ANKRD28: variants seen among roughly 807,000 people sequenced by gnomAD.
ANKRD28 encodes ankyrin repeat domain 28, also known as serine/threonine-protein phosphatase 6 regulatory ankyrin repeat subunit A.
Under a neutral mutation model 126.5 loss-of-function variants are expected in ANKRD28, and 44 were observed. The observed-to-expected ratio is 0.35, with a 90% CI of 0.27 to 0.45. The LOEUF (loss-of-function observed/expected upper bound fraction) is 0.45. ANKRD28 is among the 20% of genes least tolerant of loss of function. The pLI is 1.00. For synonymous variants in ANKRD28, 442 were observed against 468.5 expected (o/e 0.94, Z 0.73); for missense variants, 1,110 against 1,316.6 (o/e 0.84, Z 2.43).
Position 15,711,201 on chromosome 3 carries a change from A to G in ANKRD28, c.1337+10T>C, listed in dbSNP as rs951350930. On this transcript the variant is annotated intron_variant, in intron 12 of 27. Coordinates refer to ENST00000683139, the MANE Select transcript of ANKRD28 (RefSeq NM_001349278.2). ...CTTTTCTTAAAGAAATAAAAATACTATTAACATACCCTCCAGCTGCAGCTG... is the reference window on the plus strand; with the variant it reads ...CTTTTCTTAAAGAAATAAAAATACTGTTAACATACCCTCCAGCTGCAGCTG... The G allele has an allele frequency of 2.5e-6, 4 of 1,607,336 alleles. No homozygotes were observed. Among genetic ancestry groups the G allele is most frequent in the African/African-American group, 1.3e-5 (1 of 74,750 alleles).
chr3:15,803,660 G>A (rs1225855754), intron 1 of ANKRD28, among the ~76,000 whole-genome samples: 1 of 148,976 alleles, frequency 6.7e-6, no homozygotes, highest in Non-Finnish European at 1.5e-5. Flanking sequence ...AGGATTTATA[G>A]GACATGTTAA....
chr3:15,706,198 G>C (rs1235284313), intron 14 of ANKRD28, among the ~76,000 whole-genome samples: 1 of 151,736 alleles, frequency 6.6e-6, no homozygotes, highest in Admixed American at 6.6e-5. Flanking sequence ...CCATTAACTC[G>C]TCACTTACAT....
At chr3:15,834,277 T>C (rs1026187079) in intron 1 of ANKRD28, among the ~76,000 whole-genome samples, 3 of 152,188 alleles carry the variant, frequency 2.0e-5, no homozygotes, top group African/African-American at 7.2e-5. Context: ...CTTCTACATA[T>C]AGCTATCCAA....
At chr3:15,852,832 C>CAAAAAAAAAAA (rs71064237) in intron 1 of ANKRD28, among the ~76,000 whole-genome samples, 1 of 64,012 alleles carries the variant, frequency 1.6e-5, no homozygotes, top group Non-Finnish European at 2.8e-5. Flanking sequence ...GACTCTGTCT[C>CAAAAAAAAAAA]AAAAAAAAAA....
Position 15,694,787 on chromosome 3 carries a change from C to A in ANKRD28, c.1713G>T (p.Met571Ile). Reference sequence around the variant, plus strand: ...TTGCTCTATTATCTGAATCACTCAGCATGTCTGTTCCTGAGGTTTCCATTA... The same window carrying A: ...TTGCTCTATTATCTGAATCACTCAGAATGTCTGTTCCTGAGGTTTCCATTA... ...DVLMETSGTD[M>I]LSDSDNRATI... The change falls in exon 17 of 28, where the codon ATG becomes ATT. Residue 571 changes from methionine (M) to isoleucine (I), a missense_variant. Met to Ile is a conservative substitution (Grantham distance 10). Transcript: ENST00000683139. 1 of 1,613,538 alleles carries A rather than the reference C, an allele frequency of 6.2e-7. No individual in the cohort carries two copies.
chr3:15,836,739 T>A (rs1559586706), intron 1 of ANKRD28, among the ~76,000 whole-genome samples: 1 of 152,150 alleles, frequency 6.6e-6, no homozygotes, highest in Non-Finnish European at 1.5e-5. Context: ...AACATTTTTT[T>A]AACATTAATA....
intron 2 of ANKRD28, among the ~76,000 whole-genome samples, chr3:15,793,506 T>C (rs1297573289): frequency 6.6e-6 from 1 of 152,148 alleles, no homozygotes; most frequent in Non-Finnish European, 1.5e-5. Flanking sequence ...TGATTAAATA[T>C]AACATAAAAG....
chr3:15,730,469 G>A (rs567079420), intron 6 of ANKRD28, among the ~76,000 whole-genome samples: 2 of 152,238 alleles, frequency 1.3e-5, no homozygotes, highest in South Asian at 4.2e-4. Context: ...GGGCTAATAA[G>A]GAAAACTGGG....
intron 14 of ANKRD28, among the ~76,000 whole-genome samples, chr3:15,705,492 A>G (rs1559372104): frequency 1.3e-5 from 2 of 152,234 alleles, no homozygotes; most frequent in Non-Finnish European, 2.9e-5. Context: ...GTAAAGGACT[A>G]CAGATGGTGA....
At chr3:15,785,611 C>T (rs1052716870) in intron 2 of ANKRD28, among the ~76,000 whole-genome samples, 2 of 152,174 alleles carry the variant, frequency 1.3e-5, no homozygotes, top group Non-Finnish European at 2.9e-5. Flanking sequence ...TTTATACCTG[C>T]TATGAGTGCA....
upstream of ANKRD28, among the ~76,000 whole-genome samples, chr3:15,802,431 T>C (rs1415948065): frequency 2.0e-5 from 3 of 152,192 alleles, no homozygotes; most frequent in Admixed American, 6.5e-5. Context: ...TAATTTTGCA[T>C]CTCTGGTACT....
Position 15,712,169 on chromosome 3 carries a change from GA to G in ANKRD28, c.1243del (p.Ser415GlnfsTer14). On this transcript the variant is annotated frameshift_variant, in exon 11 of 28. Transcript: ENST00000683139. LOFTEE classifies it high-confidence loss of function. ...AGAAAGAAGTTTTCTGCAGCAATCT[GA>G]AAAGCCGCTTAAGGCTGCCAAATGG... The part of the protein sequence containing the change: ...PLHLAALSGF[S>X]DCCRKLLSSG... The G allele has an allele frequency of 4.4e-6, 7 of 1,584,174 alleles. No homozygotes were observed. Among genetic ancestry groups the G allele is most frequent in the African/African-American group, 1.3e-5 (1 of 74,496 alleles).
chr3:15,746,811 A>G (rs2057506810), intron 4 of ANKRD28, among the ~76,000 whole-genome samples: 1 of 152,188 alleles, frequency 6.6e-6, no homozygotes, highest in Admixed American at 6.5e-5. Flanking sequence ...TTCAGCTGTG[A>G]ATCTATCCAG....
At chr3:15,753,723 G>GCCCA (rs201317920) in intron 3 of ANKRD28, among the ~76,000 whole-genome samples, 14,548 of 152,062 alleles carry the variant, frequency 0.096, 2,132 homozygotes, top group African/African-American at 0.31. Flanking sequence ...TGGGCAGATT[G>GCCCA]CTTGAAGACA....
Position 15,814,363 on chromosome 3 carries a change from G to T in ANKRD28, c.28-19057C>A. The T allele has an allele frequency of 9.9e-7, 1 of 1,007,008 alleles. No individual in the cohort carries two copies. 62.4% of individuals were successfully genotyped at this position (1,007,008 alleles called of 1,614,324 possible). A position where few individuals can be genotyped will look rare whatever the true frequency, so the allele number is the denominator to read the frequency against. On this transcript the variant is annotated intron_variant, in intron 1 of 27. Coordinates refer to the ANKRD28 transcript ENST00000399451. This position sits in a 1 kb window ranked among gnomAD's most constrained non-coding sequence, Gnocchi z 4.7. The stretch of plus-strand genomic sequence containing the variant: ...AGAATACGCTGATCCTAGAAATTAA[G>T]GGCTATGTTATTTATAAATAACTAG...
intron 3 of ANKRD28, among the ~76,000 whole-genome samples, chr3:15,752,734 T>TAACC (rs2057931272): frequency 6.6e-6 from 1 of 152,176 alleles, no homozygotes; most frequent in African/African-American, 2.4e-5. Flanking sequence ...CAAAATAACC[T>TAACC]AACGTTGGGG....
chr3:15,742,175 G>A (rs1936849555), intron 4 of ANKRD28, among the ~76,000 whole-genome samples: 1 of 152,078 alleles, frequency 6.6e-6, no homozygotes, highest in Middle Eastern at 3.2e-3. Flanking sequence ...TGGGAAGTGA[G>A]GAGCGTCTCT....
chr3:15,699,904 T>C (rs908255771), intron 14 of ANKRD28, among the ~76,000 whole-genome samples: 1 of 152,248 alleles, frequency 6.6e-6, no homozygotes, highest in African/African-American at 2.4e-5. Flanking sequence ...CAAAGGATTA[T>C]AAATCATGCT....
rs2060846476 is a variant in ANKRD28 at position 15,817,045 on chromosome 3, C to G, written c.28-21739G>C. Among the ~76,000 whole-genome samples, 1 of 151,972 alleles carries G rather than the reference C, an allele frequency of 6.6e-6. No homozygotes were observed. The highest frequency in any genetic ancestry group is 2.4e-5 in the African/African-American group (1 of 41,366). On this transcript the variant is annotated intron_variant, in intron 1 of 27. Coordinates refer to the ANKRD28 transcript ENST00000399451. This position sits in a 1 kb window ranked among gnomAD's most constrained non-coding sequence, Gnocchi z 4.5. ...ACCCTGTCTCTGTAAGAAAACAAAA[C>G]CAAAACCAAAAGAAACCCAAACAAA...
Sources: gnomAD v4.1 joint callset for allele counts (sites outside exome capture counted in the v4.1 genomes callset) on GRCh38, gnomAD v4.1.1 for gene constraint, Gnocchi (gnomAD v3.1) non-coding constraint, MANE v1.5 for transcripts, NCBI Gene and HGNC (gene_info 2026-07-23, HGNC 2026-07-21) for gene names.